FRMPD4: variants seen among roughly 807,000 people sequenced by gnomAD.
FRMPD4 encodes the protein FERM and PDZ domain-containing protein 4.
FRMPD4 carries 22 observed loss-of-function variants against 94.1 expected under a neutral mutation model. The ratio of observed to expected loss-of-function variants is 0.23; its 90% CI spans 0.17 to 0.33. The LOEUF (loss-of-function observed/expected upper bound fraction) is 0.33, where lower values mean the gene tolerates loss of function less well. Among genes scored for constraint, FRMPD4 ranks in the 10% least tolerant of loss-of-function variants. FRMPD4 has a pLI of 1.00. For synonymous variants in FRMPD4, 631 were observed against 548.6 expected (o/e 1.15, Z -2.10); for missense variants, 1,111 against 1,339.9 (o/e 0.83, Z 2.67).
chrX:12,156,069 G>A (rs1254475173), intron 1 of FRMPD4, among the ~76,000 whole-genome samples: 5 of 111,810 alleles, frequency 4.5e-5, no homozygotes, highest in Non-Finnish European at 7.5e-5. Context: ...GAGGACAGAC[G>A]TTGTGAAATG....
chrX:11,840,497 CA>C (rs1487810117), intron 1 of FRMPD4, among the ~76,000 whole-genome samples: 6 of 110,050 alleles, frequency 5.5e-5, no homozygotes, highest in African/African-American at 2.0e-4. Flanking sequence ...CATATAACCT[CA>C]AAATAATTGC....
rs1164727581 is a variant in FRMPD4, at chrX:12,721,749, G to T, written c.5180G>T (p.Gly1727Val). Reference protein sequence around the residue: ...CLLKAAEAATGKNPGDPNVGL... With the variant: ...CLLKAAEAATVKNPGDPNVGL... ...CTGAAAGCTGCCGAAGCAGCCACTG[G>T]AAAGAACCCTGGGGACCCTAATGTT... Residue 1727 changes from glycine to valine, a missense_variant, in exon 17 of 17, where the codon GGA (glycine) becomes GTA (valine). Gly to Val is a moderately radical substitution (Grantham distance 109). This residue lies in a region of FRMPD4 where 551 missense variants were observed against 591.6 expected (regional missense o/e 0.93). Transcript: ENST00000675598. 4.0e-6 allele frequency: 3 copies of T among 753,350 alleles called. No homozygotes were observed. Among genetic ancestry groups the T allele is most frequent in the Middle Eastern group, 3.9e-4 (1 of 2,582 alleles). 62.1% of individuals were successfully genotyped at this position (753,350 alleles called of 1,213,427 possible). A position where few individuals can be genotyped will look rare whatever the true frequency, so the allele number is the denominator to read the frequency against.
chrX:12,238,765 T>C (rs2057099214), intron 1 of FRMPD4, among the ~76,000 whole-genome samples: 1 of 112,264 alleles, frequency 8.9e-6, no homozygotes, highest in Non-Finnish European at 1.9e-5. Context: ...TAATATAGTC[T>C]AATAAACTTC....
At chrX:12,260,609 T>A (rs746063620) in intron 1 of FRMPD4, among the ~76,000 whole-genome samples, 9 of 112,119 alleles carry the variant, frequency 8.0e-5, no homozygotes, top group African/African-American at 2.9e-4. Flanking sequence ...CAGAATTTTC[T>A]ATCTGAAATG....
rs201486480 is a variant in FRMPD4, at chrX:12,011,712, CT to C, written c.95+133702del. 8.4e-4 allele frequency among the ~76,000 whole-genome samples: 93 copies of C among 110,819 alleles called. No homozygotes were observed. The East Asian group carries it at 0.022, about 26-fold the overall frequency. On this transcript the variant is annotated intron_variant, in intron 3 of 18. Transcript: ENST00000640291. Reference sequence around the variant, plus strand: ...TCTGTGATATGGAGGAATAATTGTACTTTTTTTTAGGTGGTTATGAAGGCAA... The same window carrying C: ...TCTGTGATATGGAGGAATAATTGTACTTTTTTTAGGTGGTTATGAAGGCAA...
At chrX:12,078,148 C>CT (rs2055035246) in intron 3 of FRMPD4, among the ~76,000 whole-genome samples, 1 of 112,078 alleles carries the variant, frequency 8.9e-6, no homozygotes, top group African/African-American at 3.2e-5. Context: ...CAGATGGAGA[C>CT]TGTCTTCAGG....
chrX:12,535,510 A>C (rs150245894), intron 2 of FRMPD4, among the ~76,000 whole-genome samples: 1 of 112,388 alleles, frequency 8.9e-6, no homozygotes, highest in Non-Finnish European at 1.9e-5. Context: ...TGTTGGAATC[A>C]GATAAGGTTC....
intron 1 of FRMPD4, among the ~76,000 whole-genome samples, chrX:12,221,839 T>C (rs1434215005): frequency 1.8e-5 from 2 of 111,592 alleles, no homozygotes; most frequent in Non-Finnish European, 3.8e-5. Flanking sequence ...AGAAATGATA[T>C]AATAGCGACA....
rs372100789 is a variant in FRMPD4 at position 12,013,240 on chromosome X, A to G, written c.95+135222A>G. Among the ~76,000 whole-genome samples the G allele has an allele frequency of 2.7e-5, 3 of 112,220 alleles. No homozygotes were observed. The East Asian group carries it at 8.4e-4, about 31-fold the overall frequency. On this transcript the variant is annotated intron_variant, in intron 3 of 18. Transcript: ENST00000640291. ...TCAGAGGCCTTTCTTTCTCCAGGAA[A>G]GGTAAACAGGTTTTATTGTACCTTC...
intron 3 of FRMPD4, among the ~76,000 whole-genome samples, chrX:12,612,073 CAT>C (rs1243372613): frequency 9.0e-6 from 1 of 111,263 alleles, no homozygotes; most frequent in African/African-American, 3.3e-5. Flanking sequence ...ATACATAATA[CAT>C]ATATATAGAT....
At chrX:11,866,766 T>C (rs2053721735) in intron 2 of FRMPD4, among the ~76,000 whole-genome samples, 1 of 111,914 alleles carries the variant, frequency 8.9e-6, no homozygotes, top group African/African-American at 3.2e-5. Flanking sequence ...AAAAATATTA[T>C]AGTGGTTTGT....
intron 3 of FRMPD4, among the ~76,000 whole-genome samples, chrX:12,049,033 G>T (rs2054801890): frequency 9.0e-6 from 1 of 111,315 alleles, no homozygotes; most frequent in Admixed American, 9.5e-5. Flanking sequence ...AATGAAATTG[G>T]TAGTTTAATA....
At chrX:12,683,440 T>A in intron 5 of FRMPD4, 43 bp from the exon 6 acceptor site, 1 of 693,247 alleles carries the variant, frequency 1.4e-6, no homozygotes, top group Middle Eastern at 3.3e-4. Flanking sequence ...AAGGTTTGCA[T>A]TATGTTACCA....
intron 5 of FRMPD4, 90 bp downstream of exon 5, chrX:12,674,998 C>A: frequency 1.6e-6 from 1 of 625,467 alleles, no homozygotes. Context: ...TGATGAATAA[C>A]AGCAGAGAAA....
At chrX:12,377,388 T>C (rs755833834) in intron 1 of FRMPD4, among the ~76,000 whole-genome samples, 112 of 112,524 alleles carry the variant, frequency 1.0e-3, no homozygotes, top group African/African-American at 3.5e-3. Context: ...CTACACGTTA[T>C]TATGCTATCA....
intron 2 of FRMPD4, among the ~76,000 whole-genome samples, chrX:12,531,183 A>G (rs1477483035): frequency 8.9e-6 from 1 of 112,643 alleles, no homozygotes; most frequent in East Asian, 2.8e-4. Flanking sequence ...TTTGGAGAAC[A>G]AAACTAATTA....
At chrX:12,419,330 A>G (rs2056852746) in intron 1 of FRMPD4, among the ~76,000 whole-genome samples, 1 of 112,050 alleles carries the variant, frequency 8.9e-6, no homozygotes, top group African/African-American at 3.2e-5. Flanking sequence ...ACCCACTGTC[A>G]TCTGTCGAGC....
intron 5 of FRMPD4, among the ~76,000 whole-genome samples, chrX:12,676,050 A>C (rs551947311): frequency 2.7e-4 from 30 of 112,400 alleles, no homozygotes; most frequent in Middle Eastern, 9.2e-3. Context: ...GCTCAGTTTA[A>C]TATTGACTGT....
chrX:12,544,277 A>T (rs1569326925), intron 2 of FRMPD4, among the ~76,000 whole-genome samples: 1 of 111,404 alleles, frequency 9.0e-6, no homozygotes, highest in Non-Finnish European at 1.9e-5. Context: ...GGTGCAACAA[A>T]ACTAGTTTTG....
Sources: allele counts gnomAD v4.1 joint callset (sites outside exome capture counted in the v4.1 genomes callset), GRCh38; gene constraint gnomAD v4.1.1; regional missense constraint gnomAD v4.1.1; transcripts MANE v1.5; gene names NCBI Gene and HGNC (gene_info 2026-07-23, HGNC 2026-07-21).